SLCO1A2: variants seen among roughly 807,000 people sequenced by gnomAD.
SLCO1A2 encodes OATP-1.
Under a neutral mutation model 69.0 loss-of-function variants are expected in SLCO1A2, and 67 were observed. The observed-to-expected ratio is 0.97, with a 90% CI of 0.80 to 1.19. The LOEUF is 1.19. Among genes scored for constraint, SLCO1A2 ranks in the 50% most tolerant of loss-of-function variants. SLCO1A2 has a pLI of 0.00. For synonymous variants in SLCO1A2, 260 were observed against 265.9 expected (o/e 0.98, Z 0.22); for missense variants, 787 against 793.7 (o/e 0.99, Z 0.10).
intron 12 of SLCO1A2, among the ~76,000 whole-genome samples, chr12:21,283,923 A>C (rs1374870448): frequency 6.6e-6 from 1 of 152,186 alleles, no homozygotes; most frequent in African/African-American, 2.4e-5. Flanking sequence ...AATACTGGTG[A>C]GTATGTAGAG....
Position 21,266,794 on chromosome 12 carries a change from T to TA in SLCO1A2, c.*2753dup, listed in dbSNP as rs1942109430. ...AAAGCAACATTTCATTGCTTTGCAATAAAAAATTAATTAAAATAAAACCAT... is the reference window on the plus strand; with the variant it reads ...AAAGCAACATTTCATTGCTTTGCAATAAAAAAATTAATTAAAATAAAACCAT... On this transcript the variant is annotated 3_prime_UTR_variant, in exon 15 of 15. Transcript: ENST00000683939. 1 of 152,016 alleles carries TA rather than the reference T, an allele frequency of 6.6e-6. No individual in the cohort carries two copies. The highest frequency in any genetic ancestry group is 1.9e-4 in the East Asian group (1 of 5,184). 9.4% of individuals were successfully genotyped at this position (152,016 alleles called of 1,614,324 possible).
At chr12:21,350,593 T>C (rs529375469) in intron 2 of SLCO1A2, among the ~76,000 whole-genome samples, 130 of 152,048 alleles carry the variant, frequency 8.5e-4, no homozygotes, top group African/African-American at 2.9e-3. Context: ...TCCCAGCACT[T>C]TGGGAGGCCG....
chr12:21,329,972 A>T (rs1425612241), intron 2 of SLCO1A2, among the ~76,000 whole-genome samples: 2 of 151,930 alleles, frequency 1.3e-5, no homozygotes, highest in Non-Finnish European at 2.9e-5. Context: ...CAAAACTACT[A>T]AGGTCATATG....
At chr12:21,316,141 T>A (rs1950835117) in intron 3 of SLCO1A2, among the ~76,000 whole-genome samples, 1 of 152,162 alleles carries the variant, frequency 6.6e-6, no homozygotes, top group Admixed American at 6.5e-5. Flanking sequence ...GCATTTGAGT[T>A]TTCCACCTGA....
chr12:21,374,819 G>GTCTCTC (rs71043266), intron 1 of SLCO1A2, among the ~76,000 whole-genome samples: 32,581 of 148,196 alleles, frequency 0.22, 3,793 homozygotes, highest in African/African-American at 0.33. Flanking sequence ...TTGAGACAGG[G>GTCTCTC]TCTCTCTCTC....
At position 21,388,809 on chromosome 12, in the gene SLCO1A2, A is replaced by G. The variant is rs558443107; in HGVS notation, c.-190+6097T>C. Among the ~76,000 whole-genome samples, 3 of 152,308 alleles carry G rather than the reference A, an allele frequency of 2.0e-5. No homozygotes were observed. The South Asian group carries it at 6.2e-4, about 32-fold the overall frequency. ...ATTCTAAGACTTCTGAAAAAAAAAT[A>G]AGAAAATATGTAAGCCCACAGGTTA... is the stretch of plus-strand genomic sequence containing the variant. On this transcript the variant is annotated intron_variant, in intron 1 of 15. Transcript: ENST00000307378.
chr12:21,387,802 G>A (rs927967467), intron 1 of SLCO1A2, among the ~76,000 whole-genome samples: 5 of 152,066 alleles, frequency 3.3e-5, no homozygotes, highest in African/African-American at 7.2e-5. Flanking sequence ...TAGATCCACC[G>A]ACAGCTTGCA....
chr12:21,410,207 C>A (rs1299963103), intron 1 of SLCO1A2, among the ~76,000 whole-genome samples: 2 of 152,196 alleles, frequency 1.3e-5, no homozygotes, highest in Non-Finnish European at 2.9e-5. Context: ...GAGTCCATCA[C>A]TAGTCTTCCG....
chr12:21,413,411 T>G (rs1486704480), intron 1 of SLCO1A2, among the ~76,000 whole-genome samples: 1 of 151,692 alleles, frequency 6.6e-6, no homozygotes, highest in Non-Finnish European at 1.5e-5. Flanking sequence ...CTGGCTAATT[T>G]TTGTATTTTT....
At chr12:21,357,294 G>GAC (rs1309200285) in intron 2 of SLCO1A2, among the ~76,000 whole-genome samples, 2 of 152,072 alleles carry the variant, frequency 1.3e-5, no homozygotes, top group African/African-American at 2.4e-5. Context: ...TGGTCACAGA[G>GAC]ACACACACAC....
At chr12:21,320,650 C>A (rs1054473036) in intron 2 of SLCO1A2, among the ~76,000 whole-genome samples, 1 of 152,046 alleles carries the variant, frequency 6.6e-6, no homozygotes, top group South Asian at 2.1e-4. Flanking sequence ...AAGTGTGTAC[C>A]ACCATGACCG....
At chr12:21,379,864 G>T (rs1040472080) in intron 1 of SLCO1A2, 1 of 152,128 alleles carries the variant, frequency 6.6e-6, no homozygotes, top group Non-Finnish European at 1.5e-5. Context: ...AGAGGCTTTC[G>T]TTGGTGGTGG....
intron 12 of SLCO1A2, among the ~76,000 whole-genome samples, chr12:21,291,196 C>T (rs1006346706): frequency 2.0e-5 from 3 of 152,104 alleles, no homozygotes; most frequent in Non-Finnish European, 4.4e-5. Context: ...ATAAAAATTA[C>T]TCTAAATAGG....
intron 5 of SLCO1A2, among the ~76,000 whole-genome samples, chr12:21,305,522 T>C (rs940148193): frequency 2.6e-5 from 4 of 152,260 alleles, no homozygotes; most frequent in African/African-American, 9.6e-5. Context: ...TTTGTTTGTG[T>C]GATGCACAAA....
chr12:21,332,623 G>A (rs113158516), intron 2 of SLCO1A2, among the ~76,000 whole-genome samples: 120 of 152,170 alleles, frequency 7.9e-4, no homozygotes, highest in African/African-American at 2.6e-3. Flanking sequence ...CTGGGAGCAG[G>A]GGGTGGGAGG....
intron 1 of SLCO1A2, chr12:21,378,161 G>T: frequency 7.6e-7 from 1 of 1,314,436 alleles, no homozygotes; most frequent in East Asian, 2.3e-5. Context: ...ATCAATACAA[G>T]ATATTTGATG....
At position 21,267,094 on chromosome 12, in the gene SLCO1A2, T is replaced by C; in HGVS notation, c.*2454A>G. ...GAACTAAACTCCCAGGCTTCATGTATACCAACAAAAGAGGTCATGAGGGAT... is the reference window on the plus strand; with the variant it reads ...GAACTAAACTCCCAGGCTTCATGTACACCAACAAAAGAGGTCATGAGGGAT... On this transcript the variant is annotated 3_prime_UTR_variant, in exon 15 of 15. Transcript: ENST00000683939. The C allele has an allele frequency of 6.6e-6, 1 of 152,056 alleles. No individual in the cohort carries two copies. The highest frequency in any genetic ancestry group is 1.5e-5 in the Non-Finnish European group (1 of 68,016). 9.4% of individuals were successfully genotyped at this position (152,056 alleles called of 1,614,324 possible).
At chr12:21,308,646 C>T (rs1591823790) in intron 4 of SLCO1A2, among the ~76,000 whole-genome samples, 4 of 152,280 alleles carry the variant, frequency 2.6e-5, no homozygotes, top group South Asian at 4.1e-4. Flanking sequence ...ACATATTAAA[C>T]AGTGAGATTC....
chr12:21,402,624 A>T (rs1941742776), intron 1 of SLCO1A2, among the ~76,000 whole-genome samples: 1 of 152,084 alleles, frequency 6.6e-6, no homozygotes, highest in Admixed American at 6.6e-5. Flanking sequence ...AGATATTCTT[A>T]TCTAAGGATT....
Sources: allele counts gnomAD v4.1 joint callset (sites outside exome capture counted in the v4.1 genomes callset), GRCh38; gene constraint gnomAD v4.1.1; transcripts MANE v1.5; gene names NCBI Gene and HGNC (gene_info 2026-07-23, HGNC 2026-07-21).